The following EHHADH variants were observed in gnomAD, a reference collection of about 807,000 sequenced individuals.
EHHADH encodes enoyl-CoA hydratase and 3-hydroxyacyl CoA dehydrogenase.
In EHHADH, 48 loss-of-function variants were observed where a neutral mutation model predicts 64.4. That is an observed-to-expected ratio of 0.75 (90% CI 0.59 to 0.95). The LOEUF is 0.95. EHHADH is among the 40% of genes least tolerant of loss of function. EHHADH has a pLI of 0.00. For synonymous variants in EHHADH, 308 were observed against 326.7 expected (o/e 0.94, Z 0.62); for missense variants, 854 against 876.6 (o/e 0.97, Z 0.33).
intron 2 of EHHADH, among the ~76,000 whole-genome samples, chr3:185,244,871 A>C (rs1719553107): frequency 6.6e-6 from 1 of 152,218 alleles, no homozygotes; most frequent in East Asian, 1.9e-4. Flanking sequence ...TGTTGTTTTA[A>C]GCCACTTGGT....
intron 6 of EHHADH, among the ~76,000 whole-genome samples, chr3:185,197,107 G>A (rs531635720): frequency 1.3e-5 from 2 of 152,108 alleles, no homozygotes; most frequent in Non-Finnish European, 2.9e-5. Flanking sequence ...AAATAGATTC[G>A]TGGTTGCCAA....
chr3:185,226,223 C>G (rs1718971429), intron 4 of EHHADH, among the ~76,000 whole-genome samples: 1 of 152,206 alleles, frequency 6.6e-6, no homozygotes, highest in Non-Finnish European at 1.5e-5. Context: ...TGGTGTCTTT[C>G]TGGAGGAAGC....
intron 4 of EHHADH, among the ~76,000 whole-genome samples, chr3:185,224,588 T>G (rs1718924472): frequency 6.6e-6 from 1 of 152,122 alleles, no homozygotes. Context: ...TAATAGCTTT[T>G]GTATTAGTAG....
At chr3:185,250,085 T>C (rs1186031586) in intron 1 of EHHADH, among the ~76,000 whole-genome samples, 1 of 152,188 alleles carries the variant, frequency 6.6e-6, no homozygotes, top group East Asian at 1.9e-4. Context: ...AGCAGCTGTA[T>C]CATTCCAGGG....
intron 1 of EHHADH, among the ~76,000 whole-genome samples, chr3:185,251,516 A>G (rs1325073863): frequency 6.6e-6 from 1 of 152,176 alleles, no homozygotes; most frequent in Non-Finnish European, 1.5e-5. Flanking sequence ...ATACTTATAA[A>G]GAGGGCTGGT....
intron 4 of EHHADH, among the ~76,000 whole-genome samples, chr3:185,223,588 T>A (rs374826517): frequency 1.3e-5 from 2 of 152,162 alleles, no homozygotes; most frequent in Non-Finnish European, 2.9e-5. Flanking sequence ...GTGCTAGTAC[T>A]AAAAAATGTA....
intron 6 of EHHADH, among the ~76,000 whole-genome samples, chr3:185,202,742 T>C (rs1405230471): frequency 6.6e-6 from 1 of 152,186 alleles, no homozygotes; most frequent in African/African-American, 2.4e-5. Flanking sequence ...TGCCTGATGA[T>C]CTGAGGTAGA....
chr3:185,252,130 C>T (rs1008308695), intron 1 of EHHADH, among the ~76,000 whole-genome samples: 3 of 152,054 alleles, frequency 2.0e-5, no homozygotes, highest in Non-Finnish European at 4.4e-5. Context: ...AGGCTGGGCA[C>T]GTGGCTCATG....
At chr3:185,249,822 C>T (rs1011886553) in intron 1 of EHHADH, among the ~76,000 whole-genome samples, 4 of 151,750 alleles carry the variant, frequency 2.6e-5, no homozygotes, top group Non-Finnish European at 4.4e-5. Flanking sequence ...TTCCAGCCTG[C>T]TTTACAGTAA....
chr3:185,248,832 T>A (rs562618179), intron 1 of EHHADH, among the ~76,000 whole-genome samples: 6 of 152,340 alleles, frequency 3.9e-5, no homozygotes, highest in African/African-American at 1.4e-4. Context: ...AAAAATATTA[T>A]TACATGTCTT....
intron 2 of EHHADH, among the ~76,000 whole-genome samples, chr3:185,244,528 G>A (rs1480503935): frequency 2.0e-5 from 3 of 152,146 alleles, no homozygotes; most frequent in Admixed American, 1.3e-4. Flanking sequence ...AAATGAGTTG[G>A]GAAGTGTACT....
Position 185,192,599 on chromosome 3 carries a change from A to T in EHHADH, c.1799T>A (p.Leu600Gln), listed in dbSNP as rs572469071. The change falls in exon 7 of 7, where the codon CTA becomes CAA. Residue 600 changes from leucine (L) to glutamine (Q), a missense_variant. Leu to Gln is a moderately radical substitution (Grantham distance 113, BLOSUM62 -2). Transcript: ENST00000231887. ...HKPDPWLSKF[L>Q]SRYRKTHHIE... Reference sequence around the variant, plus strand: ...GTGATGGGTTTTTCTATACCGTGATAGGAATTTGGAAAGCCAGGGATCAGG... The same window carrying T: ...GTGATGGGTTTTTCTATACCGTGATTGGAATTTGGAAAGCCAGGGATCAGG... The T allele has an allele frequency of 1.9e-6, 3 of 1,614,234 alleles. No homozygotes were observed. The African/African-American group carries it at 4.0e-5, about 22-fold the overall frequency.
rs1311065003 is a variant in EHHADH at position 185,239,529 on chromosome 3, A to AT, written c.179-4068dup. Among the ~76,000 whole-genome samples, 7 of 151,738 alleles carry AT rather than the reference A, an allele frequency of 4.6e-5. No homozygotes were observed. The East Asian group carries it at 1.4e-3, about 29-fold the overall frequency. ...GGTTAAATGTATTCCTAGGTATTTT[A>AT]TTTTTTTGTGGCTATTGTAAATGGG... On this transcript the variant is annotated intron_variant, in intron 2 of 6. Coordinates refer to ENST00000231887, the MANE Select transcript of EHHADH (RefSeq NM_001966.4).
At chr3:185,195,393 T>C (rs1718031316) in intron 6 of EHHADH, among the ~76,000 whole-genome samples, 1 of 152,230 alleles carries the variant, frequency 6.6e-6, no homozygotes, top group Non-Finnish European at 1.5e-5. Context: ...AGAACTCTGA[T>C]ACATTGCTGG....
intron 4 of EHHADH, among the ~76,000 whole-genome samples, chr3:185,220,249 G>C (rs1560013985): frequency 1.3e-5 from 2 of 152,204 alleles, no homozygotes; most frequent in Non-Finnish European, 2.9e-5. Flanking sequence ...TATTCTAACA[G>C]AGTCAATGGG....
At chr3:185,253,673 T>C (rs778469925) in intron 1 of EHHADH, among the ~76,000 whole-genome samples, 5 of 151,102 alleles carry the variant, frequency 3.3e-5, no homozygotes, top group Non-Finnish European at 5.9e-5. Context: ...TCCCTAAGTG[T>C]TGATCTGTCT....
At position 185,235,295 on chromosome 3, in the gene EHHADH, C is replaced by G. The variant is rs753038564; in HGVS notation, c.346G>C (p.Ala116Pro). 4 of 1,609,998 alleles carry G rather than the reference C, an allele frequency of 2.5e-6. No individual in the cohort carries two copies. In the East Asian group the frequency reaches 6.7e-5, roughly 27 times the overall value. Reference sequence around the variant, plus strand: ...TATAGAGCCTTGGTTGTTACCTCTGCGTGGGCAATCCTATAGTGACAGCCC... The same window carrying G: ...TATAGAGCCTTGGTTGTTACCTCTGGGTGGGCAATCCTATAGTGACAGCCC... ...ALGCHYRIAH[A>P]EAQVGLPEVT... The change falls in exon 3 of 7, where the codon GCA becomes CCA. Residue 116 changes from alanine (A) to proline (P), a missense_variant. Physicochemically the swap from Ala to Pro is conservative, Grantham distance 27 (BLOSUM62 -1). Transcript: ENST00000231887.
intron 6 of EHHADH, among the ~76,000 whole-genome samples, chr3:185,200,534 T>C (rs1443237009): frequency 1.3e-5 from 2 of 152,208 alleles, no homozygotes; most frequent in Non-Finnish European, 2.9e-5. Context: ...TTTGAAACTC[T>C]GGCCTCCTAG....
intron 5 of EHHADH, among the ~76,000 whole-genome samples, chr3:185,210,704 C>T (rs1718518709): frequency 6.6e-6 from 1 of 151,364 alleles, no homozygotes; most frequent in South Asian, 2.1e-4. Context: ...AGTTCAGAAG[C>T]TGATTTTAAG....
Sources: allele counts gnomAD v4.1 joint callset (sites outside exome capture counted in the v4.1 genomes callset), GRCh38; gene constraint gnomAD v4.1.1; transcripts MANE v1.5; gene names NCBI Gene and HGNC (gene_info 2026-07-23, HGNC 2026-07-21).